VMP1: variants seen among roughly 807,000 people sequenced by gnomAD.
The protein encoded by VMP1 is ectopic P-granules autophagy protein 3 homolog.
A neutral mutation model predicts 56.0 loss-of-function variants in VMP1; 11 were observed. That is an observed-to-expected ratio of 0.20 (90% CI 0.12 to 0.32). The LOEUF is 0.32. Among genes scored for constraint, VMP1 ranks in the 10% least tolerant of loss-of-function variants. VMP1 has a pLI of 1.00. For missense variants in VMP1, 296 were observed against 490.3 expected (o/e 0.60, Z 3.74); for synonymous variants, 149 against 165.0 (o/e 0.90, Z 0.74).
intron 5 of VMP1, among the ~76,000 whole-genome samples, chr17:59,743,941 G>T (rs2035321795): frequency 1.3e-5 from 2 of 152,178 alleles, no homozygotes; most frequent in African/African-American, 4.8e-5. Flanking sequence ...TTGAAGAGGA[G>T]TCATGAAGGG....
chr17:59,768,185 G>A (rs554032488), intron 6 of VMP1, among the ~76,000 whole-genome samples: 10 of 152,170 alleles, frequency 6.6e-5, no homozygotes, highest in Admixed American at 4.6e-4. Context: ...TGATTAATAG[G>A]TCAAATGTTT....
At chr17:59,752,396 A>G (rs1027611209) in intron 5 of VMP1, among the ~76,000 whole-genome samples, 1 of 152,212 alleles carries the variant, frequency 6.6e-6, no homozygotes, top group Admixed American at 6.5e-5. Context: ...TGAGAGAGCT[A>G]GCTGTCTTCT....
intron 7 of VMP1, among the ~76,000 whole-genome samples, chr17:59,791,172 G>A (rs1472946682): frequency 7.4e-6 from 1 of 135,912 alleles, no homozygotes; most frequent in African/African-American, 2.6e-5. Context: ...ATTTAAGACT[G>A]CTCCCAGTTC....
chr17:59,801,495 C>G (rs1410047285), intron 7 of VMP1, among the ~76,000 whole-genome samples: 1 of 151,970 alleles, frequency 6.6e-6, no homozygotes, highest in African/African-American at 2.4e-5. Context: ...CTCGAGTGAT[C>G]CTCCCATCTC....
chr17:59,830,237 A>T (rs1336538966), intron 10 of VMP1, among the ~76,000 whole-genome samples: 1 of 151,786 alleles, frequency 6.6e-6, no homozygotes, highest in African/African-American at 2.4e-5. Flanking sequence ...CAATTTTTAA[A>T]TTTTTTGTAG....
intron 10 of VMP1, among the ~76,000 whole-genome samples, chr17:59,830,873 G>A (rs528169087): frequency 6.6e-6 from 1 of 152,146 alleles, no homozygotes; most frequent in Non-Finnish European, 1.5e-5. Flanking sequence ...GCCCAGGCTG[G>A]AGTGTAGTGG....
At chr17:59,792,879 T>TAATAATAATA (rs1378493314) in intron 7 of VMP1, among the ~76,000 whole-genome samples, 3,468 of 66,850 alleles carry the variant, frequency 0.052, 581 homozygotes, top group East Asian at 0.084. Context: ...TAATAATAAT[T>TAATAATAATA]ATTATTATTA....
rs554168320 is a variant in VMP1, at chr17:59,795,054, A to G, written c.715-13742A>G. ...CCCTTGTCGCTCAAGCTGGAATGTA[A>G]TGGCGTGATCTTGGCTCACCACAAC... is the stretch of plus-strand genomic sequence containing the variant. On this transcript the variant is annotated intron_variant, in intron 7 of 11. Coordinates refer to ENST00000262291, the MANE Select transcript of VMP1 (RefSeq NM_030938.5). 5.6e-5 allele frequency among the ~76,000 whole-genome samples: 8 copies of G among 142,002 alleles called. No individual in the cohort carries two copies. In the South Asian group the frequency reaches 1.5e-3, roughly 27 times the overall value. 93.2% of individuals were successfully genotyped at this position (142,002 alleles called of 152,430 possible).
chr17:59,714,184 T>A (rs936481212), intron 1 of VMP1, among the ~76,000 whole-genome samples: 1 of 151,728 alleles, frequency 6.6e-6, no homozygotes, highest in African/African-American at 2.4e-5. Flanking sequence ...CAAGATCGAG[T>A]GGCCACATTG....
At chr17:59,709,007 A>C (rs936712868) in intron 1 of VMP1, among the ~76,000 whole-genome samples, 3 of 152,202 alleles carry the variant, frequency 2.0e-5, no homozygotes, top group Non-Finnish European at 4.4e-5. Flanking sequence ...TGATTAATAC[A>C]GTTTAATTTC....
chr17:59,817,826 T>C, intron 10 of VMP1, 53 bp downstream of exon 10: 1 of 1,399,794 alleles, frequency 7.1e-7, no homozygotes, highest in Non-Finnish European at 9.9e-7. Flanking sequence ...TAAATGGGAG[T>C]AAATGTGTAC....
At chr17:59,750,541 A>G (rs1035547814) in intron 5 of VMP1, among the ~76,000 whole-genome samples, 1 of 152,092 alleles carries the variant, frequency 6.6e-6, no homozygotes, top group African/African-American at 2.4e-5. Context: ...ACCTCAGGTG[A>G]TCCACCCACC....
chr17:59,753,137 G>A (rs960242674), intron 5 of VMP1, among the ~76,000 whole-genome samples: 9 of 151,998 alleles, frequency 5.9e-5, no homozygotes, highest in Non-Finnish European at 1.2e-4. Context: ...AATTAGCCAG[G>A]TGTAGTGGCA....
At chr17:59,746,972 T>C (rs1331982973) in intron 5 of VMP1, among the ~76,000 whole-genome samples, 1 of 152,230 alleles carries the variant, frequency 6.6e-6, no homozygotes, top group Non-Finnish European at 1.5e-5. Context: ...GACTGTGAAA[T>C]GTTAAGAACC....
At chr17:59,779,646 CA>C (rs779787956) in intron 7 of VMP1, among the ~76,000 whole-genome samples, 2 of 152,048 alleles carry the variant, frequency 1.3e-5, no homozygotes, top group Non-Finnish European at 2.9e-5. Context: ...AAGAGTATTC[CA>C]GTTGTGTATT....
intron 7 of VMP1, among the ~76,000 whole-genome samples, chr17:59,796,089 T>C (rs749488279): frequency 2.6e-5 from 4 of 152,192 alleles, no homozygotes; most frequent in Non-Finnish European, 5.9e-5. Context: ...GTTTCATCCA[T>C]CCTTCTTTCA....
chr17:59,774,561 T>C (rs995342654), intron 7 of VMP1, among the ~76,000 whole-genome samples: 1 of 152,248 alleles, frequency 6.6e-6, no homozygotes, highest in African/African-American at 2.4e-5. Context: ...ACATGAATTA[T>C]ATCAAATTCT....
intron 7 of VMP1, among the ~76,000 whole-genome samples, chr17:59,790,925 G>A (rs1419013797): frequency 6.6e-6 from 1 of 152,078 alleles, no homozygotes; most frequent in Non-Finnish European, 1.5e-5. Flanking sequence ...CCTTTCTAGA[G>A]AATGTAATTA....
In VMP1 at chr17:59,715,146, A is replaced by G. The variant is rs1352272118; in HGVS notation, c.-27+7398A>G. 2.0e-5 allele frequency among the ~76,000 whole-genome samples: 3 copies of G among 152,280 alleles called. No homozygotes were observed. In the East Asian group the frequency reaches 5.8e-4, roughly 29 times the overall value. ...TGTTTTCGCTACTCTAAGTTTTTGC[A>G]TTTCTATAAATATTTGAATTGCTTT... is the stretch of plus-strand genomic sequence containing the variant. On this transcript the variant is annotated intron_variant, in intron 1 of 11. Coordinates refer to ENST00000262291, the MANE Select transcript of VMP1 (RefSeq NM_030938.5).
Sources: gnomAD v4.1 joint callset for allele counts (sites outside exome capture counted in the v4.1 genomes callset) on GRCh38, gnomAD v4.1.1 for gene constraint, MANE v1.5 for transcripts, NCBI Gene and HGNC (gene_info 2026-07-23, HGNC 2026-07-21) for gene names.